The following SDC3 variants were observed in gnomAD, a reference collection of about 807,000 sequenced individuals.
SDC3 encodes the protein syndecan-3.
Under a neutral mutation model 24.4 loss-of-function variants are expected in SDC3, and 13 were observed. The ratio of observed to expected loss-of-function variants is 0.53; its 90% CI spans 0.35 to 0.85. The LOEUF (loss-of-function observed/expected upper bound fraction) is 0.85, where lower values mean the gene tolerates loss of function less well. Among genes scored for constraint, SDC3 ranks in the 40% least tolerant of loss-of-function variants. SDC3 has a pLI of 0.01. For synonymous variants in SDC3, 295 were observed against 260.9 expected (o/e 1.13, Z -1.26); for missense variants, 571 against 584.5 (o/e 0.98, Z 0.24).
At chr1:30,881,001 T>G (rs1639734742) in intron 1 of SDC3, among the ~76,000 whole-genome samples, 1 of 134,032 alleles carries the variant, frequency 7.5e-6, no homozygotes, top group East Asian at 2.6e-4. Context: ...GAGGCTTCCA[T>G]ACCCCCAAGA....
chr1:30,907,773 G>C (rs1638553538), intron 1 of SDC3, among the ~76,000 whole-genome samples: 1 of 151,942 alleles, frequency 6.6e-6, no homozygotes, highest in South Asian at 2.1e-4. Flanking sequence ...CCACACACAG[G>C]GTTACCCTCA....
intron 1 of SDC3, among the ~76,000 whole-genome samples, chr1:30,879,664 C>T (rs1349988379): frequency 2.6e-5 from 4 of 152,200 alleles, no homozygotes; most frequent in Non-Finnish European, 2.9e-5. Flanking sequence ...CGGCTCCTGC[C>T]CCTGCCCAGG....
At chr1:30,888,784 G>A (rs1329229388) in intron 1 of SDC3, among the ~76,000 whole-genome samples, 2 of 152,198 alleles carry the variant, frequency 1.3e-5, no homozygotes, top group African/African-American at 4.8e-5. Context: ...CCTCTTCTAG[G>A]GACAGAACAA....
At chr1:30,902,287 G>A (rs967251868) in intron 1 of SDC3, among the ~76,000 whole-genome samples, 5 of 152,216 alleles carry the variant, frequency 3.3e-5, no homozygotes, top group East Asian at 1.9e-4. Context: ...AGCCATGGCC[G>A]CTCAGGCTCC....
intron 1 of SDC3, among the ~76,000 whole-genome samples, chr1:30,900,414 C>T (rs965704554): frequency 6.6e-6 from 1 of 152,202 alleles, no homozygotes; most frequent in African/African-American, 2.4e-5. Context: ...TGCAGACACC[C>T]CCCAACAATG....
At position 30,874,572 on chromosome 1, in the gene SDC3, G is replaced by T. The variant is rs755040871; in HGVS notation, c.887C>A (p.Thr296Asn). 3 of 1,614,008 alleles carry T rather than the reference G, an allele frequency of 1.9e-6. No homozygotes were observed. The East Asian group carries it at 6.7e-5, about 36-fold the overall frequency. The change falls in exon 4 of 5, where the codon ACC (threonine) becomes AAC (asparagine). Residue 296 changes from threonine to asparagine, a missense_variant. Physicochemically the swap from Thr to Asn is moderately conservative, Grantham distance 65 (BLOSUM62 0). This residue lies in a region of SDC3 where 497 missense variants were observed against 471.6 expected (regional missense o/e 1.05). Coordinates refer to ENST00000339394, the MANE Select transcript of SDC3 (RefSeq NM_014654.4). ...CTCATCCCGGATTGTGGTCAGGAAG[G>T]TCTCTGGAGTTGGGGTCTGCAGAGA... ...TEVAQTPTPE[T>N]FLTTIRDEPE...
upstream of SDC3, among the ~76,000 whole-genome samples, chr1:30,909,310 C>G (rs1029435794): frequency 6.6e-6 from 1 of 152,182 alleles, no homozygotes; most frequent in African/African-American, 2.4e-5. Context: ...GGGCCTCGGT[C>G]TCCCCAGGGG....
In SDC3 at chr1:30,874,532, C is replaced by T. The variant is rs1475930646; in HGVS notation, c.927G>A (p.Val309=). 3 of 1,614,160 alleles carry T rather than the reference C, an allele frequency of 1.9e-6. No individual in the cohort carries two copies. The highest frequency in any genetic ancestry group is 2.5e-6 in the Non-Finnish European group (3 of 1,180,012). The change falls in exon 4 of 5, where the codon GTG becomes GTA. Residue 309 remains valine (V), a synonymous_variant. Coordinates refer to ENST00000339394, the MANE Select transcript of SDC3 (RefSeq NM_014654.4). ...TTIRDEPEVP[V]SGGPSGDFEL... is the part of the protein sequence containing the mutation. ...CGAAGTCTCCACTGGGCCCCCCACTCACCGGAACCTCTGGCTCATCCCGGA... is the reference window on the plus strand; with the variant it reads ...CGAAGTCTCCACTGGGCCCCCCACTTACCGGAACCTCTGGCTCATCCCGGA...
At chr1:30,891,882 G>T (rs1295603459) in intron 1 of SDC3, among the ~76,000 whole-genome samples, 1 of 151,140 alleles carries the variant, frequency 6.6e-6, no homozygotes, top group Non-Finnish European at 1.5e-5. Context: ...AGAAGAAGAA[G>T]GGAGGAGGCC....
At chr1:30,888,234 G>A (rs1639859103) in intron 1 of SDC3, among the ~76,000 whole-genome samples, 1 of 152,208 alleles carries the variant, frequency 6.6e-6, no homozygotes, top group African/African-American at 2.4e-5. Flanking sequence ...GGAGAGTCAG[G>A]ATGGGATTCA....
intron 1 of SDC3, among the ~76,000 whole-genome samples, chr1:30,888,044 G>C (rs964818486): frequency 1.3e-5 from 2 of 152,108 alleles, no homozygotes; most frequent in African/African-American, 4.8e-5. Context: ...ATGCAGATCA[G>C]TGGGCTCCCA....
intron 1 of SDC3, 98 bp from the exon 2 acceptor site, chr1:30,878,838 T>G: frequency 1.1e-6 from 1 of 870,692 alleles, no homozygotes; most frequent in Non-Finnish European, 1.9e-6. Context: ...CTGAGTGACA[T>G]CCACGTGGGT....
intron 1 of SDC3, among the ~76,000 whole-genome samples, chr1:30,883,599 A>G (rs1420398248): frequency 1.3e-5 from 2 of 152,202 alleles, no homozygotes; most frequent in Admixed American, 1.3e-4. Flanking sequence ...GCCTGCACAC[A>G]GTCGGAGCCG....
chr1:30,875,425 T>C (rs1337652110), intron 3 of SDC3, among the ~76,000 whole-genome samples: 3 of 152,130 alleles, frequency 2.0e-5, no homozygotes, highest in Non-Finnish European at 2.9e-5. Context: ...CTGCCCCAGC[T>C]GCTTGAGGAG....
intron 1 of SDC3, among the ~76,000 whole-genome samples, chr1:30,890,149 A>G (rs1313534390): frequency 1.3e-5 from 2 of 152,176 alleles, no homozygotes; most frequent in African/African-American, 4.8e-5. Context: ...CATCTCTACT[A>G]AAAATACAAA....
Position 30,872,912 on chromosome 1 carries a change from A to C in SDC3, c.*299T>G. ...CCACCCTTTCTTCCACCACCAGCCA[A>C]TCAGGAGCTTTCTTCCTCCCATCCA... On this transcript the variant is annotated 3_prime_UTR_variant, in exon 5 of 5. Transcript: ENST00000339394. 1 of 389,822 alleles carries C rather than the reference A, an allele frequency of 2.6e-6. No homozygotes were observed. The highest frequency in any genetic ancestry group is 4.6e-6 in the Non-Finnish European group (1 of 216,640). The allele number at this position is 389,822 out of a possible 1,614,324, so 24.1% of individuals were successfully genotyped here.
chr1:30,888,301 C>A (rs907973326), intron 1 of SDC3, among the ~76,000 whole-genome samples: 1 of 152,170 alleles, frequency 6.6e-6, no homozygotes, highest in Non-Finnish European at 1.5e-5. Flanking sequence ...TGGGAAGGGG[C>A]TGGAGGAGCA....
chr1:30,905,116 A>C (rs1638491505), intron 1 of SDC3, among the ~76,000 whole-genome samples: 1 of 152,040 alleles, frequency 6.6e-6, no homozygotes, highest in Non-Finnish European at 1.5e-5. Context: ...CCTGGCCCAG[A>C]ACAGCCCAGG....
intron 1 of SDC3, among the ~76,000 whole-genome samples, chr1:30,900,872 G>C (rs1357091562): frequency 6.6e-6 from 1 of 152,060 alleles, no homozygotes; most frequent in Non-Finnish European, 1.5e-5. Context: ...GGAATCTCTA[G>C]GGTCGCCTGG....
Sources: allele counts gnomAD v4.1 joint callset (sites outside exome capture counted in the v4.1 genomes callset), GRCh38; gene constraint gnomAD v4.1.1; regional missense constraint gnomAD v4.1.1; transcripts MANE v1.5; gene names NCBI Gene and HGNC (gene_info 2026-07-23, HGNC 2026-07-21).